AGBL4: variants seen among roughly 807,000 people sequenced by gnomAD.
AGBL4 encodes the protein AGBL carboxypeptidase 4, also known as cytosolic carboxypeptidase 6.
A neutral mutation model predicts 66.4 loss-of-function variants in AGBL4; 58 were observed. The ratio of observed to expected loss-of-function variants is 0.87; its 90% CI spans 0.71 to 1.09. The LOEUF is 1.09. Ranked by LOEUF, AGBL4 falls within the 50% of genes least tolerant of loss-of-function variation. The pLI, the probability that AGBL4 is intolerant of heterozygous loss-of-function variation, is 0.00. For synonymous variants in AGBL4, 234 were observed against 222.9 expected, an observed-to-expected ratio of 1.05 and a Z score of -0.44; for missense variants, 579 against 631.0, an observed-to-expected ratio of 0.92 and a Z score of 0.88.
At chr1:48,662,875 C>A (rs1646129877) in intron 7 of AGBL4, among the ~76,000 whole-genome samples, 1 of 152,144 alleles carries the variant, frequency 6.6e-6, no homozygotes, top group African/African-American at 2.4e-5. Context: ...TATGGCTCTT[C>A]CTCACCACAG....
At chr1:49,376,099 T>C (rs1279610438) in intron 3 of AGBL4, among the ~76,000 whole-genome samples, 1 of 152,148 alleles carries the variant, frequency 6.6e-6, no homozygotes, top group Non-Finnish European at 1.5e-5. Context: ...ACATCTTAAC[T>C]CCACCTACCT....
intron 3 of AGBL4, among the ~76,000 whole-genome samples, chr1:49,298,363 A>G (rs1162137789): frequency 6.6e-6 from 1 of 152,200 alleles, no homozygotes; most frequent in Non-Finnish European, 1.5e-5. Flanking sequence ...AGGTTCCCTG[A>G]TGGTTTCAGT....
At chr1:48,723,676 T>C (rs756122542) in intron 6 of AGBL4, among the ~76,000 whole-genome samples, 2 of 152,324 alleles carry the variant, frequency 1.3e-5, no homozygotes, top group Non-Finnish European at 2.9e-5. Context: ...TGGAGAGATA[T>C]GCAGTCTTGG....
At chr1:48,837,493 A>C (rs967005168) in intron 6 of AGBL4, among the ~76,000 whole-genome samples, 1 of 151,612 alleles carries the variant, frequency 6.6e-6, no homozygotes, top group African/African-American at 2.4e-5. Context: ...AAACAGGAAG[A>C]TCACTTAGCC....
At chr1:49,697,243 T>A (rs192138875) in intron 3 of AGBL4, 70 bp downstream of exon 3, 3 of 1,439,228 alleles carry the variant, frequency 2.1e-6, no homozygotes, top group Admixed American at 4.2e-5. Context: ...TATTTTGATA[T>A]TTCTAAAAGA....
chr1:49,861,486 C>T (rs1370625383), intron 1 of AGBL4, among the ~76,000 whole-genome samples: 2 of 152,114 alleles, frequency 1.3e-5, no homozygotes, highest in African/African-American at 4.8e-5. Context: ...GCCCCTGTTC[C>T]AGGCCCTAGC....
intron 6 of AGBL4, among the ~76,000 whole-genome samples, chr1:48,820,992 A>G (rs539909466): frequency 2.6e-5 from 4 of 152,350 alleles, no homozygotes; most frequent in East Asian, 3.9e-4. Context: ...GCCAATAAAC[A>G]TATGAAAAAA....
downstream of AGBL4, among the ~76,000 whole-genome samples, chr1:48,530,880 T>C (rs1197543726): frequency 6.6e-6 from 1 of 152,182 alleles, no homozygotes; most frequent in Non-Finnish European, 1.5e-5. Context: ...GGCTCTAATC[T>C]GAGACAGACC....
chr1:49,139,778 G>A (rs920258228), intron 4 of AGBL4, among the ~76,000 whole-genome samples: 2 of 152,136 alleles, frequency 1.3e-5, no homozygotes, highest in African/African-American at 2.4e-5. Context: ...CTTGACAAGC[G>A]GCTATTTTAA....
chr1:49,454,544 G>A (rs1557955792), intron 3 of AGBL4, among the ~76,000 whole-genome samples: 1 of 151,688 alleles, frequency 6.6e-6, no homozygotes, highest in Non-Finnish European at 1.5e-5. Context: ...CATGGTAGAA[G>A]TTTAACACTA....
chr1:48,846,924 T>C (rs1646930412), intron 6 of AGBL4, among the ~76,000 whole-genome samples: 1 of 152,208 alleles, frequency 6.6e-6, no homozygotes, highest in Non-Finnish European at 1.5e-5. Flanking sequence ...ATTACAGTGT[T>C]GTGGTTTTCT....
chr1:48,998,987 G>A (rs1183912465), intron 5 of AGBL4, among the ~76,000 whole-genome samples: 1 of 152,182 alleles, frequency 6.6e-6, no homozygotes, highest in Non-Finnish European at 1.5e-5. Flanking sequence ...AGATGCACAA[G>A]TAGGACCCAG....
intron 2 of AGBL4, among the ~76,000 whole-genome samples, chr1:49,804,190 A>G (rs1194363034): frequency 6.6e-6 from 1 of 152,176 alleles, no homozygotes; most frequent in Non-Finnish European, 1.5e-5. Context: ...AAAAACTATC[A>G]ATGTGTTAGT....
chr1:49,676,991 A>G (rs1646592538), intron 3 of AGBL4, among the ~76,000 whole-genome samples: 1 of 152,088 alleles, frequency 6.6e-6, no homozygotes, highest in Admixed American at 6.6e-5. Context: ...GTCTTTCACT[A>G]TTCCATCTGC....
chr1:48,542,341 C>T (rs1348328261), intron 11 of AGBL4, among the ~76,000 whole-genome samples: 4 of 152,150 alleles, frequency 2.6e-5, no homozygotes, highest in Admixed American at 1.3e-4. Context: ...ATTTATAATC[C>T]TTTGGGTATA....
chr1:48,755,828 C>T (rs1156265515), intron 6 of AGBL4, among the ~76,000 whole-genome samples: 5 of 152,206 alleles, frequency 3.3e-5, no homozygotes, highest in Non-Finnish European at 5.9e-5. Flanking sequence ...CTTTGTATCT[C>T]CCTAAGTTCC....
intron 6 of AGBL4, among the ~76,000 whole-genome samples, chr1:48,754,816 C>T (rs565454534): frequency 6.6e-6 from 1 of 152,002 alleles, no homozygotes; most frequent in Admixed American, 6.6e-5. Context: ...GAGGAGACAC[C>T]CCCATGTTGG....
chr1:49,900,848 T>C (rs1649695547), intron 1 of AGBL4, among the ~76,000 whole-genome samples: 1 of 152,200 alleles, frequency 6.6e-6, no homozygotes, highest in African/African-American at 2.4e-5. Context: ...TAAACACACA[T>C]GTAAATGTTT....
chr1:49,235,667 A>G (rs1424950261), intron 4 of AGBL4, among the ~76,000 whole-genome samples: 1 of 152,188 alleles, frequency 6.6e-6, no homozygotes, highest in Non-Finnish European at 1.5e-5. Context: ...ATTGGTTCCT[A>G]TCACTTATAA....
Sources: gnomAD v4.1 joint callset for allele counts (sites outside exome capture counted in the v4.1 genomes callset) on GRCh38, gnomAD v4.1.1 for gene constraint, MANE v1.5 for transcripts, NCBI Gene and HGNC (gene_info 2026-07-23, HGNC 2026-07-21) for gene names.